The following FAM81A variants were observed in gnomAD, a reference collection of about 807,000 sequenced individuals.
FAM81A encodes the protein protein FAM81A.
In FAM81A, 19 loss-of-function variants were observed where a neutral mutation model predicts 46.7. The ratio of observed to expected loss-of-function variants is 0.41; its 90% CI spans 0.28 to 0.60. FAM81A has a LOEUF of 0.60. Among genes scored for constraint, FAM81A ranks in the 20% least tolerant of loss-of-function variants. The pLI is 0.34. For missense variants in FAM81A, 377 were observed against 453.5 expected (o/e 0.83, Z 1.53); for synonymous variants, 183 against 152.9 (o/e 1.20, Z -1.45).
At chr15:59,411,000 T>A (rs2081118002) in intron 2 of FAM81A, among the ~76,000 whole-genome samples, 1 of 152,214 alleles carries the variant, frequency 6.6e-6, no homozygotes, top group Non-Finnish European at 1.5e-5. Context: ...TCCTTTTGCC[T>A]CGGCCTCCCA....
chr15:59,496,994 C>T (rs761730871), intron 4 of FAM81A, among the ~76,000 whole-genome samples: 18 of 149,904 alleles, frequency 1.2e-4, no homozygotes, highest in Admixed American at 7.3e-4. Context: ...GGTGTGGTAG[C>T]GCACACCTGT....
intron 3 of FAM81A, among the ~76,000 whole-genome samples, chr15:59,470,918 G>A (rs1172706732): frequency 6.6e-6 from 1 of 152,072 alleles, no homozygotes. Context: ...AACCTCCTGG[G>A]CTCAGGTGAT....
chr15:59,443,388 A>T (rs2081321622), intron 1 of FAM81A, among the ~76,000 whole-genome samples: 1 of 152,136 alleles, frequency 6.6e-6, no homozygotes, highest in Non-Finnish European at 1.5e-5. Flanking sequence ...GGCCAAAAAG[A>T]TCTTTTAAAA....
rs763568597 is a variant in FAM81A at position 59,458,530 on chromosome 15, A to C, written c.-77-20A>C. 3 of 1,557,446 alleles carry C rather than the reference A, an allele frequency of 1.9e-6. No homozygotes were observed. The African/African-American group carries it at 4.1e-5, about 21-fold the overall frequency. The stretch of plus-strand genomic sequence containing the variant: ...CTAGATATAAACTGTTAAATAATTT[A>C]GTGCTTATTTTTTCAACAGATGTGA... On this transcript the variant is annotated intron_variant, in intron 1 of 8. Transcript: ENST00000288228.
chr15:59,462,811 A>G (rs1190228405), intron 3 of FAM81A, among the ~76,000 whole-genome samples: 3 of 152,184 alleles, frequency 2.0e-5, no homozygotes, highest in Non-Finnish European at 4.4e-5. Flanking sequence ...TAATGTTTTC[A>G]AGGTCCATCC....
chr15:59,489,434 A>G (rs886162044), intron 3 of FAM81A, among the ~76,000 whole-genome samples: 9 of 152,202 alleles, frequency 5.9e-5, no homozygotes, highest in African/African-American at 1.9e-4. Context: ...AAGATATTCC[A>G]TGTTCGTGGT....
intron 2 of FAM81A, 70 bp from the exon 3 acceptor site, chr15:59,459,863 G>A: frequency 1.4e-6 from 2 of 1,469,964 alleles, no homozygotes; most frequent in Non-Finnish European, 1.8e-6. Flanking sequence ...AGACTTCTCT[G>A]GGAAGTTTTG....
At chr15:59,424,396 C>T (rs1179801082) in intron 2 of FAM81A, among the ~76,000 whole-genome samples, 4 of 152,184 alleles carry the variant, frequency 2.6e-5, no homozygotes, top group Non-Finnish European at 1.5e-5. Flanking sequence ...ATGTGCACAT[C>T]TTCCCTAGAT....
At chr15:59,492,197 C>G (rs1026822954) in intron 3 of FAM81A, 74 bp from the exon 4 acceptor site, 1 of 1,152,074 alleles carries the variant, frequency 8.7e-7, no homozygotes, top group South Asian at 1.4e-5. Flanking sequence ...TTATTTTTGC[C>G]AAAAGTATAA....
intron 2 of FAM81A, among the ~76,000 whole-genome samples, chr15:59,405,029 G>C (rs1276682094): frequency 6.6e-6 from 1 of 152,174 alleles, no homozygotes; most frequent in Non-Finnish European, 1.5e-5. Flanking sequence ...GCTCTCTTCT[G>C]TCTGCCAAGA....
chr15:59,453,340 A>C lies in FAM81A; in HGVS notation c.-77-5210A>C, dbSNP rs984700613. ...CTCTGTTTCCTCTGGTTCAATGTTG[A>C]TAATAAGAGTATAATACTTTACAAA... On this transcript the variant is annotated intron_variant, in intron 1 of 8. Transcript: ENST00000288228. Among the ~76,000 whole-genome samples, 3 of 152,218 alleles carry C rather than the reference A, an allele frequency of 2.0e-5. No individual in the cohort carries two copies. The South Asian group carries it at 6.2e-4, about 31-fold the overall frequency.
chr15:59,512,478 A>G (rs1470785619), intron 6 of FAM81A, among the ~76,000 whole-genome samples: 3 of 150,754 alleles, frequency 2.0e-5, no homozygotes, highest in African/African-American at 7.3e-5. Flanking sequence ...TCTCAAAAAA[A>G]AAAAAAAAAA....
At chr15:59,430,722 T>C (rs1027153060) in intron 2 of FAM81A, among the ~76,000 whole-genome samples, 1 of 152,182 alleles carries the variant, frequency 6.6e-6, no homozygotes, top group Non-Finnish European at 1.5e-5. Flanking sequence ...CCCAAAATGA[T>C]GCAGGAGATT....
At position 59,503,580 on chromosome 15, in the gene FAM81A, AT is replaced by A. The variant is rs112530066; in HGVS notation, c.414-3621del. Reference sequence around the variant, plus strand: ...CTATAAGTCAATGTATTTAGCCACTATTTTTTTTTTTTGACAGAGTCTCACT... The same window carrying A: ...CTATAAGTCAATGTATTTAGCCACTATTTTTTTTTTTGACAGAGTCTCACT... On this transcript the variant is annotated intron_variant, in intron 4 of 8. Transcript: ENST00000288228. Among the ~76,000 whole-genome samples the A allele has an allele frequency of 3.4e-3, 497 of 145,060 alleles. 1 individual carries two copies. Among genetic ancestry groups the A allele is most frequent in the African/African-American group, 5.5e-3 (221 of 39,914 alleles).
At chr15:59,434,769 AAAC>A (rs1393694198), upstream of FAM81A, among the ~76,000 whole-genome samples, 2 of 152,224 alleles carry the variant, frequency 1.3e-5, no homozygotes, top group Non-Finnish European at 2.9e-5. Flanking sequence ...GCTGAGGACA[AAAC>A]AAAGTGCTAA....
chr15:59,479,519 GAAAAAA>G (rs57107735), intron 3 of FAM81A, among the ~76,000 whole-genome samples: 16 of 72,676 alleles, frequency 2.2e-4, no homozygotes, highest in Admixed American at 1.7e-3. Context: ...TCAAAAATAA[GAAAAAA>G]AAAAAAAAAA....
chr15:59,399,248 G>T (rs75363373), intron 1 of FAM81A, among the ~76,000 whole-genome samples: 6,164 of 152,218 alleles, frequency 0.04, 416 homozygotes, highest in African/African-American at 0.14. Flanking sequence ...AGAAAGGCAT[G>T]TCTTCTCCCT....
At chr15:59,485,124 G>A (rs2081901927) in intron 3 of FAM81A, among the ~76,000 whole-genome samples, 2 of 152,176 alleles carry the variant, frequency 1.3e-5, no homozygotes, top group Non-Finnish European at 2.9e-5. Context: ...GATTTCTAAG[G>A]TTTCTGATTC....
intron 3 of FAM81A, 23 bp from the exon 4 acceptor site, chr15:59,492,248 T>A: frequency 6.4e-7 from 1 of 1,556,768 alleles, no homozygotes; most frequent in East Asian, 2.2e-5. Flanking sequence ...GATGACTCCC[T>A]TAGTGTTTTT....
Sources: allele counts gnomAD v4.1 joint callset (sites outside exome capture counted in the v4.1 genomes callset), GRCh38; gene constraint gnomAD v4.1.1; transcripts MANE v1.5; gene names NCBI Gene and HGNC (gene_info 2026-07-23, HGNC 2026-07-21).